RABL6: variants seen among roughly 807,000 people sequenced by gnomAD.
RABL6 encodes rab-like protein 6.
A neutral mutation model predicts 72.9 loss-of-function variants in RABL6; 28 were observed. The observed-to-expected ratio is 0.38, with a 90% CI of 0.28 to 0.53. The LOEUF (loss-of-function observed/expected upper bound fraction) is 0.53, where lower values mean the gene tolerates loss of function less well. Ranked by LOEUF, RABL6 falls within the 20% of genes least tolerant of loss-of-function variation. RABL6 has a pLI of 0.80. For missense variants in RABL6, 1,029 were observed against 1,008.4 expected, an observed-to-expected ratio of 1.02 and a Z score of -0.28; for synonymous variants, 477 against 421.2, an observed-to-expected ratio of 1.13 and a Z score of -1.62.
intron 7 of RABL6, chr9:136,833,649 T>G (rs1034449288): frequency 2.7e-5 from 41 of 1,540,438 alleles, no homozygotes; most frequent in Non-Finnish European, 3.3e-5. Flanking sequence ...CTCCTCGCCC[T>G]GGGCTGCCCC....
chr9:136,840,502 G>T lies in RABL6; in HGVS notation c.2170G>T (p.Gly724Cys). 2.0e-6 allele frequency: 3 copies of T among 1,529,252 alleles called. No individual in the cohort carries two copies. Among genetic ancestry groups the T allele is most frequent in the Non-Finnish European group, 2.6e-6 (3 of 1,139,532 alleles). The allele number at this position is 1,529,252 out of a possible 1,614,324, so 94.7% of individuals were successfully genotyped here. A position where few individuals can be genotyped will look rare whatever the true frequency, so the allele number is the denominator to read the frequency against. ...GAPGGRHPGG[G>C]DYEEL is the part of the protein sequence containing the mutation. ...CCCGGGCGGCCGCCACCCTGGGGGT[G>T]GCGACTACGAGGAGCTCTAGGCCGG... is the stretch of plus-strand genomic sequence containing the variant. The change falls in exon 15 of 15, where the codon GGC (glycine) becomes TGC (cysteine). Residue 724 changes from glycine (G) to cysteine (C), a missense_variant. By Grantham distance (159) the Gly-to-Cys change is radical. Transcript: ENST00000311502.
intron 1 of RABL6, chr9:136,821,236 G>C (rs899898301): frequency 6.1e-6 from 5 of 813,322 alleles, no homozygotes; most frequent in Non-Finnish European, 7.4e-6. Context: ...GCCGAGATGC[G>C]GGGACCAAGG....
chr9:136,813,964 T>A lies in RABL6; in HGVS notation c.130+5638T>A. 3 of 384,216 alleles carry A rather than the reference T, an allele frequency of 7.8e-6. 1 individual carries two copies. Among genetic ancestry groups the A allele is most frequent in the South Asian group, 6.3e-5 (3 of 47,406 alleles). 23.8% of individuals were successfully genotyped at this position (384,216 alleles called of 1,614,324 possible). A position where few individuals can be genotyped will look rare whatever the true frequency, so the allele number is the denominator to read the frequency against. On this transcript the variant is annotated intron_variant, in intron 1 of 14. Coordinates refer to ENST00000311502, the MANE Select transcript of RABL6 (RefSeq NM_024718.5). ...ATCCTGAGTGACTTTGTAAGGGAGATTTGTAGCCAAAAGTATTCTCACATC... is the reference window on the plus strand; with the variant it reads ...ATCCTGAGTGACTTTGTAAGGGAGAATTGTAGCCAAAAGTATTCTCACATC...
intron 1 of RABL6, among the ~76,000 whole-genome samples, chr9:136,811,511 A>T (rs903745567): frequency 6.6e-6 from 1 of 151,752 alleles, no homozygotes; most frequent in Admixed American, 6.6e-5. Flanking sequence ...CCAGCTACTC[A>T]GGAGGCTGAG....
At chr9:136,839,988 G>A in intron 13 of RABL6, 123 bp downstream of exon 13, 1 of 1,487,608 alleles carries the variant, frequency 6.7e-7, no homozygotes, top group Non-Finnish European at 9.2e-7. Context: ...CCATGCTCCT[G>A]GCAGCCCCCT....
At chr9:136,811,433 C>T (rs1564357223) in intron 1 of RABL6, among the ~76,000 whole-genome samples, 2 of 151,972 alleles carry the variant, frequency 1.3e-5, no homozygotes, top group Non-Finnish European at 2.9e-5. Context: ...GCCTGGCCAA[C>T]ATGTCGAAAC....
chr9:136,822,921 T>C (rs1180906573), intron 1 of RABL6, among the ~76,000 whole-genome samples: 4 of 152,092 alleles, frequency 2.6e-5, no homozygotes, highest in Non-Finnish European at 4.4e-5. Flanking sequence ...ACCCCGTCTC[T>C]ACTAAAAATA....
chr9:136,837,357 T>A lies in RABL6; in HGVS notation c.821T>A (p.Met274Lys), dbSNP rs1157667533. ...CTTCTGCCTTTCAGCTTCCTGGAGATGATGGAGGCTCGCAGCCGTGGCCAT... is the reference window on the plus strand; with the variant it reads ...CTTCTGCCTTTCAGCTTCCTGGAGAAGATGGAGGCTCGCAGCCGTGGCCAT... ...EDQNYGIFLEMMEARSRGHAS... is the reference protein window; with the variant it reads ...EDQNYGIFLEKMEARSRGHAS... The change falls in exon 9 of 15, where the codon ATG becomes AAG. Residue 274 changes from methionine (M) to lysine (K), a missense_variant. By Grantham distance (95) the Met-to-Lys change is moderately conservative. Transcript: ENST00000311502. The A allele has an allele frequency of 6.2e-7, 1 of 1,604,782 alleles. No individual in the cohort carries two copies. The highest frequency in any genetic ancestry group is 1.3e-5 in the African/African-American group (1 of 74,756).
intron 1 of RABL6, among the ~76,000 whole-genome samples, chr9:136,819,960 T>C (rs1848204231): frequency 6.6e-6 from 1 of 152,050 alleles, no homozygotes; most frequent in South Asian, 2.1e-4. Flanking sequence ...CCTAGCACTT[T>C]AGGAGGCCAA....
At position 136,835,342 on chromosome 9, in the gene RABL6, C is replaced by T. The variant is rs145479362; in HGVS notation, c.706-400C>T. On this transcript the variant is annotated intron_variant, in intron 7 of 14. Transcript: ENST00000311502. ...GCTTGTGGGTGTGGGACGGTGGCGACGCGTGCACCGGGGATGTGTCCTGCC... is the reference window on the plus strand; with the variant it reads ...GCTTGTGGGTGTGGGACGGTGGCGATGCGTGCACCGGGGATGTGTCCTGCC... 3.9e-3 allele frequency: 637 copies of T among 163,496 alleles called. 3 individuals carry two copies. Among genetic ancestry groups the T allele is most frequent in the African/African-American group, 0.014 (603 of 41,824 alleles). 10.1% of individuals were successfully genotyped at this position (163,496 alleles called of 1,614,324 possible). A position where few individuals can be genotyped will look rare whatever the true frequency, so the allele number is the denominator to read the frequency against.
intron 1 of RABL6, chr9:136,812,829 C>T (rs1848041565): frequency 2.9e-6 from 1 of 346,794 alleles, no homozygotes; most frequent in Admixed American, 3.1e-5. Flanking sequence ...TCACCTCTGC[C>T]TCCCCAGAAG....
Position 136,841,007 on chromosome 9 carries a change from C to A in RABL6, c.*485C>A. 6.9e-7 allele frequency: 1 copy of A among 1,439,246 alleles called. No individual in the cohort carries two copies. The highest frequency in any genetic ancestry group is 9.1e-7 in the Non-Finnish European group (1 of 1,093,536). 89.2% of individuals were successfully genotyped at this position (1,439,246 alleles called of 1,614,324 possible). On this transcript the variant is annotated 3_prime_UTR_variant, in exon 15 of 15. Coordinates refer to ENST00000311502, the MANE Select transcript of RABL6 (RefSeq NM_024718.5). Reference sequence around the variant, plus strand: ...GACTCACCCTAAAGGGCGGCCCAGGCCCCACGCTAGAAGGCTGGCGAGACC... The same window carrying A: ...GACTCACCCTAAAGGGCGGCCCAGGACCCACGCTAGAAGGCTGGCGAGACC...
chr9:136,815,855 T>C (rs944313998), intron 1 of RABL6, among the ~76,000 whole-genome samples: 2 of 152,240 alleles, frequency 1.3e-5, no homozygotes, highest in Admixed American at 6.5e-5. Flanking sequence ...TAGAGCTCTG[T>C]GTTTTCTGCA....
At chr9:136,815,937 A>G (rs1848111368) in intron 1 of RABL6, among the ~76,000 whole-genome samples, 1 of 152,334 alleles carries the variant, frequency 6.6e-6, no homozygotes, top group South Asian at 2.1e-4. Flanking sequence ...CAGGTTTACC[A>G]TGAGGTTAAG....
At chr9:136,822,851 G>A (rs1176443796) in intron 1 of RABL6, among the ~76,000 whole-genome samples, 1 of 152,194 alleles carries the variant, frequency 6.6e-6, no homozygotes. Context: ...CACTTTGGGA[G>A]GCCAAGGCGG....
chr9:136,810,007 C>A (rs1171641919), intron 1 of RABL6: 1 of 152,166 alleles, frequency 6.6e-6, no homozygotes, highest in African/African-American at 2.4e-5. Context: ...TAAAGTGGTG[C>A]ATTTTGAATA....
At chr9:136,828,959 C>G (rs575275318) in intron 4 of RABL6, among the ~76,000 whole-genome samples, 2 of 152,220 alleles carry the variant, frequency 1.3e-5, no homozygotes, top group African/African-American at 4.8e-5. Flanking sequence ...ACTCTCCGTG[C>G]GGTGCCTCCC....
rs760015796 is a variant in RABL6 at position 136,825,801 on chromosome 9, T to C, written c.288T>C (p.Val96=). ...SYKTTDDIVK[V]EVWDVVDKGK... ...CAGCCACGGATGACATCGTGAAGGTTGAAGTCTGGGATGTAGTAGACAAAG... is the reference window on the plus strand; with the variant it reads ...CAGCCACGGATGACATCGTGAAGGTCGAAGTCTGGGATGTAGTAGACAAAG... The change falls in exon 3 of 15, where the codon GTT becomes GTC. Residue 96 remains valine, a synonymous_variant. Coordinates refer to ENST00000311502, the MANE Select transcript of RABL6 (RefSeq NM_024718.5). The C allele has an allele frequency of 1.9e-6, 3 of 1,613,524 alleles. No homozygotes were observed.
chr9:136,822,578 C>T (rs755495473), intron 1 of RABL6, among the ~76,000 whole-genome samples: 4 of 152,200 alleles, frequency 2.6e-5, no homozygotes, highest in Non-Finnish European at 5.9e-5. Context: ...GGTGCCAGGT[C>T]CATCCCCATC....
Sources: allele counts gnomAD v4.1 joint callset (sites outside exome capture counted in the v4.1 genomes callset), GRCh38; gene constraint gnomAD v4.1.1; transcripts MANE v1.5; gene names NCBI Gene and HGNC (gene_info 2026-07-23, HGNC 2026-07-21).